The following PCDH15 variants were observed in gnomAD, a reference collection of about 807,000 sequenced individuals.
PCDH15 encodes protocadherin-15.
Under a neutral mutation model 178.5 loss-of-function variants are expected in PCDH15, and 129 were observed. The ratio of observed to expected loss-of-function variants is 0.72; its 90% CI spans 0.63 to 0.84. The LOEUF (loss-of-function observed/expected upper bound fraction) is 0.84, where lower values mean the gene tolerates loss of function less well. Among genes scored for constraint, PCDH15 ranks in the 40% least tolerant of loss-of-function variants. The probability of loss-of-function intolerance (pLI) is 0.00; values close to 1 mark genes in which losing one functional copy is unlikely to be tolerated. For synonymous variants in PCDH15, 800 were observed against 732.0 expected (o/e 1.09, Z -1.50); for missense variants, 2,230 against 2,099.9 (o/e 1.06, Z -1.21).
chr10:55,618,497 T>C (rs1246285684), intron 2 of PCDH15, among the ~76,000 whole-genome samples: 3 of 152,066 alleles, frequency 2.0e-5, no homozygotes, highest in Non-Finnish European at 4.4e-5. Flanking sequence ...AGAAGGTCTT[T>C]GTATACACAT....
intron 1 of PCDH15, among the ~76,000 whole-genome samples, chr10:54,713,076 G>C (rs1235201134): frequency 6.6e-6 from 1 of 152,018 alleles, no homozygotes; most frequent in Admixed American, 6.6e-5. Flanking sequence ...TGCAAAAGCA[G>C]GTAAGTGTGA....
intron 2 of PCDH15, among the ~76,000 whole-genome samples, chr10:55,405,602 A>G (rs2132029594): frequency 6.6e-6 from 1 of 151,960 alleles, no homozygotes; most frequent in East Asian, 1.9e-4. Flanking sequence ...CATAATTTGT[A>G]TTTCTATAAT....
At chr10:55,574,272 C>T (rs1227845816) in intron 2 of PCDH15, among the ~76,000 whole-genome samples, 1 of 151,890 alleles carries the variant, frequency 6.6e-6, no homozygotes, top group Admixed American at 6.6e-5. Flanking sequence ...AGTGGTAATT[C>T]GTAGGTTTCT....
At chr10:55,035,346 T>C (rs10825444) in intron 2 of PCDH15, among the ~76,000 whole-genome samples, 86,736 of 151,930 alleles carry the variant, frequency 0.57, 25,098 homozygotes, top group East Asian at 0.75. Flanking sequence ...TTCCTGGGCA[T>C]AGCCTATCTT....
intron 2 of PCDH15, among the ~76,000 whole-genome samples, chr10:54,982,619 T>G (rs1839266547): frequency 6.6e-6 from 1 of 152,162 alleles, no homozygotes; most frequent in African/African-American, 2.4e-5. Flanking sequence ...TGCTAAAGGA[T>G]AATGATAAAT....
At chr10:54,066,686 A>G (rs1326323563) in intron 18 of PCDH15, 71 bp downstream of exon 18, 2 of 1,499,558 alleles carry the variant, frequency 1.3e-6, no homozygotes, top group African/African-American at 2.8e-5. Flanking sequence ...GTTTCTTTTG[A>G]GAATTAAAAT....
chr10:54,490,925 T>C (rs1040420820), intron 3 of PCDH15, among the ~76,000 whole-genome samples: 54 of 152,172 alleles, frequency 3.5e-4, no homozygotes, highest in Admixed American at 3.5e-3. Flanking sequence ...AACAATTACA[T>C]GTTACTCCAG....
At chr10:55,160,559 T>A (rs941991637) in intron 2 of PCDH15, among the ~76,000 whole-genome samples, 1 of 151,906 alleles carries the variant, frequency 6.6e-6, no homozygotes, top group East Asian at 1.9e-4. Flanking sequence ...CATTCTTACC[T>A]AAGGGCAAAT....
At chr10:54,844,315 C>A (rs1365439461) in intron 3 of PCDH15, among the ~76,000 whole-genome samples, 1 of 151,994 alleles carries the variant, frequency 6.6e-6, no homozygotes, top group Non-Finnish European at 1.5e-5. Context: ...AATCAAGATA[C>A]AGTACATTTT....
chr10:54,742,188 G>A (rs932742911), intron 1 of PCDH15, among the ~76,000 whole-genome samples: 5 of 151,968 alleles, frequency 3.3e-5, no homozygotes, highest in Non-Finnish European at 5.9e-5. Context: ...ACATGTCAGC[G>A]CTTTGTCCTT....
At chr10:55,395,184 TGTGTGTGTGTGTGA>T (rs1837891657) in intron 2 of PCDH15, among the ~76,000 whole-genome samples, 2 of 88,336 alleles carry the variant, frequency 2.3e-5, no homozygotes, top group South Asian at 7.8e-4. Context: ...TGTGTGTGTG[TGTGTGTGTGTGTGA>T]GAGAGAGAGA....
intron 1 of PCDH15, among the ~76,000 whole-genome samples, chr10:54,726,419 G>T (rs1213007305): frequency 1.0e-4 from 2 of 19,462 alleles, no homozygotes; most frequent in Non-Finnish European, 2.0e-4. Flanking sequence ...ACCCATCAGG[G>T]GTGTGTGTGT....
chr10:55,517,153 G>A (rs1589102069), intron 2 of PCDH15, among the ~76,000 whole-genome samples: 1 of 152,010 alleles, frequency 6.6e-6, no homozygotes, highest in South Asian at 2.1e-4. Flanking sequence ...TTAGAGGTAA[G>A]AGAGGTTAAA....
chr10:54,718,727 T>G (rs1351933020), intron 1 of PCDH15, among the ~76,000 whole-genome samples: 1 of 141,904 alleles, frequency 7.0e-6, no homozygotes, highest in African/African-American at 2.6e-5. Context: ...AGTCTCACTC[T>G]GTTGCCCAAG....
rs547763553 is a variant in PCDH15 at position 54,640,968 on chromosome 10, G to A, written c.91+23204C>T. 317 of 163,746 alleles carry A rather than the reference G, an allele frequency of 1.9e-3. 1 individual carries two copies. The highest frequency in any genetic ancestry group is 2.9e-3 in the Non-Finnish European group (216 of 74,346). The allele number at this position is 163,746 out of a possible 1,614,324, so 10.1% of individuals were successfully genotyped here. On this transcript the variant is annotated intron_variant, in intron 2 of 37. Coordinates refer to ENST00000644397, the MANE Select transcript of PCDH15 (RefSeq NM_001384140.1). Reference sequence around the variant, plus strand: ...AAAATACAAAAATTAGCCGAGCATGGTGATGTGTGCCTGTAATCCCAGCTA... The same window carrying A: ...AAAATACAAAAATTAGCCGAGCATGATGATGTGTGCCTGTAATCCCAGCTA...
chr10:54,020,499 C>T (rs1488058287), intron 19 of PCDH15, 83 bp from the exon 20 acceptor site: 8 of 1,270,856 alleles, frequency 6.3e-6, no homozygotes, highest in Non-Finnish European at 8.0e-6. Context: ...TGCGTTAGTG[C>T]CTAGGACAGC....
chr10:55,284,567 T>C (rs1303351088), intron 1 of PCDH15, among the ~76,000 whole-genome samples: 2 of 97,582 alleles, frequency 2.0e-5, no homozygotes, highest in Non-Finnish European at 4.0e-5. Flanking sequence ...TTTCTGCATA[T>C]TATTTTTTCT....
At chr10:54,858,573 G>A (rs185724103) in intron 3 of PCDH15, among the ~76,000 whole-genome samples, 15 of 152,036 alleles carry the variant, frequency 9.9e-5, no homozygotes, top group Admixed American at 4.6e-4. Context: ...CTCCCATATT[G>A]CATGGGAGTG....
At chr10:54,467,425 A>C (rs957352980) in intron 3 of PCDH15, among the ~76,000 whole-genome samples, 6 of 151,520 alleles carry the variant, frequency 4.0e-5, no homozygotes, top group African/African-American at 1.5e-4. Flanking sequence ...TTTGTCCTTC[A>C]CCCTCTTTAT....
Sources: allele counts gnomAD v4.1 joint callset (sites outside exome capture counted in the v4.1 genomes callset), GRCh38; gene constraint gnomAD v4.1.1; transcripts MANE v1.5; gene names NCBI Gene and HGNC (gene_info 2026-07-23, HGNC 2026-07-21).